The following PPP1R13B variants were observed in gnomAD, a reference collection of about 807,000 sequenced individuals.
PPP1R13B encodes protein phosphatase 1 regulatory subunit 13B, also known as apoptosis-stimulating of p53 protein 1.
PPP1R13B carries 44 observed loss-of-function variants against 119.8 expected under a neutral mutation model. The observed-to-expected ratio is 0.37, with a 90% CI of 0.29 to 0.47. The LOEUF is 0.47. Ranked by LOEUF, PPP1R13B falls within the 20% of genes least tolerant of loss-of-function variation. PPP1R13B has a pLI of 0.99. For synonymous variants in PPP1R13B, 542 were observed against 561.5 expected, an observed-to-expected ratio of 0.97 and a Z score of 0.49; for missense variants, 1,227 against 1,413.5, an observed-to-expected ratio of 0.87 and a Z score of 2.12.
At chr14:103,847,951 G>A (rs1337994318), upstream of PPP1R13B, among the ~76,000 whole-genome samples, 2 of 151,694 alleles carry the variant, frequency 1.3e-5, no homozygotes, top group African/African-American at 2.4e-5. Context: ...GGCCGACTGT[G>A]GGCCGGGAGC....
At position 103,831,271 on chromosome 14, in the gene PPP1R13B, A is replaced by G. The variant is rs111612274; in HGVS notation, c.9+16028T>C. Reference sequence around the variant, plus strand: ...AGTAATATTTTTTATATAATGAGTTAAATAAAATATATTAAAATTAATTTC... The same window carrying G: ...AGTAATATTTTTTATATAATGAGTTGAATAAAATATATTAAAATTAATTTC... On this transcript the variant is annotated intron_variant, in intron 1 of 16. Coordinates refer to ENST00000202556, the MANE Select transcript of PPP1R13B (RefSeq NM_015316.3). Among the ~76,000 whole-genome samples the G allele has an allele frequency of 3.0e-3, 452 of 151,336 alleles. 3 individuals carry two copies. Among genetic ancestry groups the G allele is most frequent in the African/African-American group, 0.011 (439 of 41,288 alleles).
intron 5 of PPP1R13B, among the ~76,000 whole-genome samples, chr14:103,756,933 T>A (rs111729881): frequency 0.023 from 3,374 of 147,788 alleles, 114 homozygotes; most frequent in African/African-American, 0.079. Context: ...TAATTTTTTT[T>A]AAATATTTTT....
intron 1 of PPP1R13B, among the ~76,000 whole-genome samples, chr14:103,832,842 T>C (rs8009868): frequency 0.58 from 88,620 of 151,924 alleles, 28,001 homozygotes; most frequent in African/African-American, 0.85. Flanking sequence ...ATTAGCTGGG[T>C]GTGGTGATGG....
intron 1 of PPP1R13B, among the ~76,000 whole-genome samples, chr14:103,826,196 T>G (rs1486765790): frequency 6.6e-6 from 1 of 152,104 alleles, no homozygotes; most frequent in Admixed American, 6.6e-5. Flanking sequence ...CTATATGCAC[T>G]GAGAAACCAA....
intron 1 of PPP1R13B, among the ~76,000 whole-genome samples, chr14:103,827,890 C>T (rs2086585759): frequency 6.6e-6 from 1 of 152,078 alleles, no homozygotes; most frequent in African/African-American, 2.4e-5. Context: ...AGTTATCCCA[C>T]AGAAGCCTTA....
chr14:103,736,699 GCCACTGTGACGGCAGCCT>G, intron 15 of PPP1R13B: 1 of 156,266 alleles, frequency 6.4e-6, no homozygotes, highest in East Asian at 1.9e-4. Flanking sequence ...CTGTGGTGGT[GCCACTGTGACGGCAGCCT>G]CCTCCTCACA....
At chr14:103,823,852 T>C (rs1017098639) in intron 1 of PPP1R13B, among the ~76,000 whole-genome samples, 2 of 151,570 alleles carry the variant, frequency 1.3e-5, no homozygotes, top group East Asian at 3.9e-4. Context: ...AGTCAACCAA[T>C]AGAGGAAATA....
intron 15 of PPP1R13B, chr14:103,736,409 G>T (rs571112060): frequency 3.3e-6 from 2 of 603,670 alleles, no homozygotes; most frequent in Non-Finnish European, 5.9e-6. Flanking sequence ...TCCTGCTGCC[G>T]GCCCTTTCTA....
At chr14:103,774,497 T>C (rs2085138476) in intron 4 of PPP1R13B, among the ~76,000 whole-genome samples, 1 of 152,224 alleles carries the variant, frequency 6.6e-6, no homozygotes, top group South Asian at 2.1e-4. Flanking sequence ...TTTGCCTTTA[T>C]AGCATAATGA....
intron 1 of PPP1R13B, among the ~76,000 whole-genome samples, chr14:103,798,150 C>CCCT (rs2085804534): frequency 8.5e-6 from 1 of 117,514 alleles, no homozygotes; most frequent in Non-Finnish European, 1.8e-5. Context: ...ATATAATAAT[C>CCCT]TCTTTTTTTT....
chr14:103,778,557 C>T (rs1489292402), intron 4 of PPP1R13B, 188 bp downstream of exon 4: 1 of 570,184 alleles, frequency 1.8e-6, no homozygotes, highest in Non-Finnish European at 3.1e-6. Flanking sequence ...ACACACCTGG[C>T]CTCATCTGAT....
At chr14:103,799,617 GTTT>G (rs397762490) in intron 1 of PPP1R13B, among the ~76,000 whole-genome samples, 1 of 141,158 alleles carries the variant, frequency 7.1e-6, no homozygotes, top group Non-Finnish European at 1.5e-5. Context: ...CGGGTTTTTT[GTTT>G]TTTTTTTTTT....
At chr14:103,776,608 C>T (rs1395937045) in intron 4 of PPP1R13B, among the ~76,000 whole-genome samples, 3 of 152,180 alleles carry the variant, frequency 2.0e-5, no homozygotes, top group Non-Finnish European at 2.9e-5. Flanking sequence ...CGCGATGGCT[C>T]ACGCCTGTAA....
At position 103,738,735 on chromosome 14, in the gene PPP1R13B, G is replaced by T. The variant is rs375642844; in HGVS notation, c.2808C>A (p.Ile936=). The change falls in exon 14 of 17, where the codon ATC becomes ATA. Residue 936 remains isoleucine (I), a synonymous_variant. Coordinates refer to ENST00000202556, the MANE Select transcript of PPP1R13B (RefSeq NM_015316.3). The surrounding 1 kb of genome is among the most constrained non-coding windows in gnomAD (Gnocchi z 5.6). ...HNAVCAGHHH[I]VKFLLDFGVN... ...CACCAAAATCCAGCAGGAACTTCAC[G>T]ATGTGATGGTGGCCGGCGCAGACGG... The T allele has an allele frequency of 6.2e-7, 1 of 1,614,236 alleles. No homozygotes were observed. Among genetic ancestry groups the T allele is most frequent in the African/African-American group, 1.3e-5 (1 of 75,066 alleles).
chr14:103,801,235 C>T (rs769730957), intron 1 of PPP1R13B, among the ~76,000 whole-genome samples: 1 of 152,180 alleles, frequency 6.6e-6, no homozygotes, highest in Non-Finnish European at 1.5e-5. Context: ...ACCAGCCCTT[C>T]CCAAAACACC....
intron 1 of PPP1R13B, among the ~76,000 whole-genome samples, chr14:103,821,831 A>C (rs2086417845): frequency 1.3e-5 from 2 of 152,178 alleles, no homozygotes; most frequent in Admixed American, 6.5e-5. Context: ...ATTTGAAAAC[A>C]TAAGAGGGCT....
chr14:103,796,802 CA>C (rs2085769173), intron 2 of PPP1R13B, among the ~76,000 whole-genome samples: 1 of 151,884 alleles, frequency 6.6e-6, no homozygotes, highest in Admixed American at 6.6e-5. Context: ...ACTAAAAATA[CA>C]AAAAATTAGC....
intron 2 of PPP1R13B, 52 bp from the exon 3 acceptor site, chr14:103,784,966 A>G (rs780204085): frequency 1.4e-6 from 2 of 1,472,208 alleles, no homozygotes; most frequent in East Asian, 2.3e-5. Flanking sequence ...GACTCCAACC[A>G]AAAGTAAATT....
rs557364500 is a variant in PPP1R13B at position 103,823,348 on chromosome 14, A to G, written c.9+23951T>C. On this transcript the variant is annotated intron_variant, in intron 1 of 16. Transcript: ENST00000202556. ...AGTGAGACTCTGTCTCAAAAAAAAGAAAAAAAAAAAACAACAGGGACAATT... is the reference window on the plus strand; with the variant it reads ...AGTGAGACTCTGTCTCAAAAAAAAGGAAAAAAAAAAACAACAGGGACAATT... 1.5e-4 allele frequency among the ~76,000 whole-genome samples: 21 copies of G among 144,164 alleles called. 2 individuals carry two copies. The highest frequency in any genetic ancestry group is 1.2e-3 in the Admixed American group (17 of 14,378). 94.6% of individuals were successfully genotyped at this position (144,164 alleles called of 152,430 possible). A position where few individuals can be genotyped will look rare whatever the true frequency, so the allele number is the denominator to read the frequency against.
Sources: allele counts gnomAD v4.1 joint callset (sites outside exome capture counted in the v4.1 genomes callset), GRCh38; gene constraint gnomAD v4.1.1; non-coding constraint Gnocchi (gnomAD v3.1); transcripts MANE v1.5; gene names NCBI Gene and HGNC (gene_info 2026-07-23, HGNC 2026-07-21).